ST18: variants seen among roughly 807,000 people sequenced by gnomAD.
The protein encoded by ST18 is suppression of tumorigenicity 18 protein.
In ST18, 50 loss-of-function variants were observed where a neutral mutation model predicts 110.0. The observed-to-expected ratio is 0.45, with a 90% CI of 0.36 to 0.58. ST18 has a LOEUF of 0.58. ST18 is among the 20% of genes least tolerant of loss of function. The pLI, the probability that ST18 is intolerant of heterozygous loss-of-function variation, is 0.00. For missense variants in ST18, 1,306 were observed against 1,280.1 expected, an observed-to-expected ratio of 1.02 and a Z score of -0.31; for synonymous variants, 461 against 452.4, an observed-to-expected ratio of 1.02 and a Z score of -0.24.
chr8:52,349,862 G>C (rs577447458), intron 2 of ST18, among the ~76,000 whole-genome samples: 197 of 152,284 alleles, frequency 1.3e-3, no homozygotes, highest in Middle Eastern at 0.01. Context: ...AGAGCAAGGA[G>C]GGAGAGTAGG....
At chr8:52,224,146 G>A (rs2088223980) in intron 3 of ST18, among the ~76,000 whole-genome samples, 1 of 152,100 alleles carries the variant, frequency 6.6e-6, no homozygotes, top group South Asian at 2.1e-4. Context: ...GATAAGAAAA[G>A]TTCTTTACAC....
At chr8:52,200,122 C>T (rs920592911) in intron 8 of ST18, among the ~76,000 whole-genome samples, 4 of 151,840 alleles carry the variant, frequency 2.6e-5, no homozygotes, top group Admixed American at 2.6e-4. Context: ...AGGCACTATT[C>T]TAGATGTTGT....
intron 3 of ST18, among the ~76,000 whole-genome samples, chr8:52,223,317 T>C (rs756219941): frequency 1.3e-5 from 2 of 152,242 alleles, no homozygotes; most frequent in Non-Finnish European, 2.9e-5. Context: ...TACATGTTAA[T>C]TGTATCCCCA....
intron 11 of ST18, 24 bp downstream of exon 11, chr8:52,166,828 C>A: frequency 6.5e-7 from 1 of 1,539,506 alleles, no homozygotes; most frequent in South Asian, 1.2e-5. Flanking sequence ...TAAGCAGAAG[C>A]TTTGAGGGAC....
chr8:52,176,616 T>C (rs1219210274), intron 9 of ST18, among the ~76,000 whole-genome samples: 1 of 152,162 alleles, frequency 6.6e-6, no homozygotes, highest in Non-Finnish European at 1.5e-5. Context: ...AAAGTAAATG[T>C]TTCTGCCTGA....
intron 8 of ST18, among the ~76,000 whole-genome samples, chr8:52,211,601 T>C (rs2082197635): frequency 6.6e-6 from 1 of 151,956 alleles, no homozygotes; most frequent in Non-Finnish European, 1.5e-5. Context: ...GAGTCGGGGT[T>C]TCGCCATGTT....
chr8:52,171,842 C>T lies in ST18; in HGVS notation c.1019G>A (p.Arg340Lys). ...ACCCATGTCGATAACTTTGGTTTGC[C>T]TCCTTTCCCCTGCTAGGTGCTCCAG... The part of the protein sequence containing the change: ...FLLEHLAGER[R>K]QTKVIDMGGR... The change falls in exon 10 of 26, where the codon AGG becomes AAG. Residue 340 changes from arginine (R) to lysine (K), a missense_variant. Coordinates refer to ENST00000689386, the MANE Select transcript of ST18 (RefSeq NM_001352837.2). 6.2e-7 allele frequency: 1 copy of T among 1,613,996 alleles called. No homozygotes were observed.
At chr8:52,249,413 G>GTAGA (rs1250524221) in intron 2 of ST18, 1 of 152,440 alleles carries the variant, frequency 6.6e-6, no homozygotes, top group Non-Finnish European at 1.5e-5. Flanking sequence ...AAGCAGTGAT[G>GTAGA]TAGAATAAAG....
At chr8:52,182,755 A>C (rs915409240) in intron 8 of ST18, among the ~76,000 whole-genome samples, 28 of 152,170 alleles carry the variant, frequency 1.8e-4, no homozygotes, top group African/African-American at 6.5e-4. Flanking sequence ...TGTACTTCAC[A>C]CTTGAAAATG....
chr8:52,122,675 G>C (rs754163417), intron 23 of ST18, among the ~76,000 whole-genome samples: 1 of 151,924 alleles, frequency 6.6e-6, no homozygotes, highest in Non-Finnish European at 1.5e-5. Flanking sequence ...TTTTATTAGA[G>C]ATGGGGTTTC....
chr8:52,347,249 T>G (rs1818189658), intron 2 of ST18, among the ~76,000 whole-genome samples: 1 of 152,206 alleles, frequency 6.6e-6, no homozygotes, highest in South Asian at 2.1e-4. Context: ...ACATAAAATA[T>G]AAATAGCTTT....
chr8:52,346,398 A>G (rs1298300030), intron 2 of ST18, among the ~76,000 whole-genome samples: 1 of 152,116 alleles, frequency 6.6e-6, no homozygotes, highest in Non-Finnish European at 1.5e-5. Flanking sequence ...TATACAATGA[A>G]AAAATCCCTT....
intron 2 of ST18, among the ~76,000 whole-genome samples, chr8:52,302,965 G>A (rs985883544): frequency 1.1e-4 from 16 of 152,024 alleles, no homozygotes; most frequent in African/African-American, 3.9e-4. Context: ...AGGTTCATAG[G>A]AAACTTTCTT....
chr8:52,167,506 G>A (rs980267855), intron 10 of ST18, among the ~76,000 whole-genome samples: 3 of 152,240 alleles, frequency 2.0e-5, no homozygotes, highest in African/African-American at 7.2e-5. Flanking sequence ...GCAGCTGGCG[G>A]AGTTAGGACA....
intron 2 of ST18, among the ~76,000 whole-genome samples, chr8:52,355,417 G>A (rs981568880): frequency 6.6e-6 from 1 of 152,200 alleles, no homozygotes; most frequent in Non-Finnish European, 1.5e-5. Context: ...TTGTTTGCAA[G>A]AATGTAGACA....
At chr8:52,364,422 G>A (rs529724097) in intron 2 of ST18, among the ~76,000 whole-genome samples, 4 of 152,236 alleles carry the variant, frequency 2.6e-5, no homozygotes, top group East Asian at 1.9e-4. Flanking sequence ...TTGATATCTC[G>A]CTTGCCTACA....
At chr8:52,135,292 C>T (rs550479075) in intron 19 of ST18, among the ~76,000 whole-genome samples, 2 of 152,096 alleles carry the variant, frequency 1.3e-5, no homozygotes, top group Admixed American at 6.5e-5. Context: ...TGGCCAGGCA[C>T]GGTGGCTCAT....
At chr8:52,292,553 C>T (rs1422486718) in intron 2 of ST18, among the ~76,000 whole-genome samples, 3 of 152,326 alleles carry the variant, frequency 2.0e-5, no homozygotes, top group East Asian at 3.9e-4. Context: ...AGAATCTTTA[C>T]ATTCTGAACT....
At chr8:52,141,621 G>A (rs1317385908) in intron 17 of ST18, among the ~76,000 whole-genome samples, 3 of 148,172 alleles carry the variant, frequency 2.0e-5, no homozygotes, top group Admixed American at 2.0e-4. Context: ...AAGCACAGTA[G>A]CCTGAAGGCC....
Sources: gnomAD v4.1 joint callset for allele counts (sites outside exome capture counted in the v4.1 genomes callset) on GRCh38, gnomAD v4.1.1 for gene constraint, MANE v1.5 for transcripts, NCBI Gene and HGNC (gene_info 2026-07-23, HGNC 2026-07-21) for gene names.